The following TAOK3 variants were observed in gnomAD, a reference collection of about 807,000 sequenced individuals.
TAOK3 encodes serine/threonine-protein kinase TAO3.
In TAOK3, 40 loss-of-function variants were observed where a neutral mutation model predicts 120.4. The observed-to-expected ratio is 0.33, with a 90% CI of 0.26 to 0.43. TAOK3 has a LOEUF of 0.43. Among genes scored for constraint, TAOK3 ranks in the 20% least tolerant of loss-of-function variants. The pLI, the probability that TAOK3 is intolerant of heterozygous loss-of-function variation, is 1.00. For missense variants in TAOK3, 821 were observed against 1,112.1 expected (o/e 0.74, Z 3.72); for synonymous variants, 355 against 387.5 (o/e 0.92, Z 0.99).
intron 9 of TAOK3, among the ~76,000 whole-genome samples, chr12:118,228,153 CTTT>C (rs753232720): frequency 1.4e-5 from 2 of 138,140 alleles, no homozygotes. Flanking sequence ...TATATATACT[CTTT>C]TTTTTTTTTT....
chr12:118,314,109 A>C (rs941800683), intron 1 of TAOK3, among the ~76,000 whole-genome samples: 1 of 152,176 alleles, frequency 6.6e-6, no homozygotes, highest in East Asian at 1.9e-4. Flanking sequence ...TATCTTCTAG[A>C]ACAGTAACTG....
chr12:118,234,267 C>T (rs1203050286), intron 8 of TAOK3, among the ~76,000 whole-genome samples: 9 of 97,318 alleles, frequency 9.2e-5, no homozygotes, highest in Admixed American at 1.5e-4. Context: ...CTGGCTCTGT[C>T]GCCCAGGCTG....
At chr12:118,194,485 C>T (rs2037602359) in intron 13 of TAOK3, among the ~76,000 whole-genome samples, 1 of 152,044 alleles carries the variant, frequency 6.6e-6, no homozygotes, top group Non-Finnish European at 1.5e-5. Context: ...TGTTAATTTA[C>T]TTTTACTTTG....
At chr12:118,354,427 C>G (rs559792051) in intron 1 of TAOK3, among the ~76,000 whole-genome samples, 2 of 152,162 alleles carry the variant, frequency 1.3e-5, no homozygotes, top group Non-Finnish European at 2.9e-5. Flanking sequence ...AGTAGGTCAG[C>G]AGGAGATTTC....
At position 118,161,577 on chromosome 12, in the gene TAOK3, G is replaced by T. The variant is rs1349024029; in HGVS notation, c.2139+211C>A. Among the ~76,000 whole-genome samples, 1 of 152,226 alleles carries T rather than the reference G, an allele frequency of 6.6e-6. No individual in the cohort carries two copies. The highest frequency in any genetic ancestry group is 2.4e-5 in the African/African-American group (1 of 41,464). ...ATATGATGACAAATTGATAGATAAT[G>T]TAGTATAATAATAGTTTCCAAACCA... On this transcript the variant is annotated intron_variant, in intron 18 of 20. Transcript: ENST00000392533. This position sits in a 1 kb window ranked among gnomAD's most constrained non-coding sequence, Gnocchi z 4.5.
intron 19 of TAOK3, among the ~76,000 whole-genome samples, chr12:118,154,625 G>A (rs1436486808): frequency 1.3e-5 from 2 of 152,044 alleles, no homozygotes; most frequent in East Asian, 3.9e-4. Flanking sequence ...ATTTTTAATA[G>A]AGATGGCATT....
At chr12:118,360,751 T>C (rs1031772301) in intron 1 of TAOK3, among the ~76,000 whole-genome samples, 2 of 152,166 alleles carry the variant, frequency 1.3e-5, no homozygotes, top group Admixed American at 6.5e-5. Context: ...GAAACTTCCA[T>C]AAAGGCAGAG....
chr12:118,368,662 C>T (rs1388032279), intron 1 of TAOK3, among the ~76,000 whole-genome samples: 1 of 150,060 alleles, frequency 6.7e-6, no homozygotes, highest in Non-Finnish European at 1.5e-5. Context: ...AAACATTAGC[C>T]GGGTGTGGTG....
At position 118,371,332 on chromosome 12, in the gene TAOK3, C is replaced by T. The variant is rs55929628; in HGVS notation, c.-194+1316G>A. ...GACCTTTTCATTAAGATCAGGAAGCCCCTCGCTTTCAAGACATCCACATCA... is the reference window on the plus strand; with the variant it reads ...GACCTTTTCATTAAGATCAGGAAGCTCCTCGCTTTCAAGACATCCACATCA... On this transcript the variant is annotated intron_variant, in intron 1 of 20. Transcript: ENST00000392533. This position sits in a 1 kb window ranked among gnomAD's most constrained non-coding sequence, Gnocchi z 5.5. Among the ~76,000 whole-genome samples the T allele has an allele frequency of 0.11, 16,083 of 152,098 alleles. 1,120 individuals carry two copies. Among genetic ancestry groups the T allele is most frequent in the Middle Eastern group, 0.17 (51 of 294 alleles).
chr12:118,194,295 C>T lies in TAOK3; in HGVS notation c.1195-4354G>A, dbSNP rs924403984. 4.6e-5 allele frequency among the ~76,000 whole-genome samples: 7 copies of T among 151,980 alleles called. No individual in the cohort carries two copies. In the East Asian group the frequency reaches 1.2e-3, roughly 25 times the overall value. ...CATTTCAAAATTATTAAATTATTGTCGAAGCAGGGGTAGCTATCAAAAGCT... is the reference window on the plus strand; with the variant it reads ...CATTTCAAAATTATTAAATTATTGTTGAAGCAGGGGTAGCTATCAAAAGCT... On this transcript the variant is annotated intron_variant, in intron 13 of 20. Coordinates refer to ENST00000392533, the MANE Select transcript of TAOK3 (RefSeq NM_016281.4).
chr12:118,369,004 G>GAAAAAAAAAAA (rs975694288), intron 1 of TAOK3, among the ~76,000 whole-genome samples: 2 of 69,364 alleles, frequency 2.9e-5, no homozygotes, highest in South Asian at 4.3e-4. Context: ...ACTAAAAATA[G>GAAAAAAAAAAA]AAAAAAAAAA....
At chr12:118,216,241 C>A (rs1027544689) in intron 9 of TAOK3, among the ~76,000 whole-genome samples, 21 of 152,228 alleles carry the variant, frequency 1.4e-4, no homozygotes, top group Admixed American at 4.6e-4. Context: ...TATCCTCCTG[C>A]CTCAGCCTCC....
intron 1 of TAOK3, among the ~76,000 whole-genome samples, chr12:118,336,994 A>G (rs1467639005): frequency 6.6e-6 from 1 of 152,216 alleles, no homozygotes; most frequent in Non-Finnish European, 1.5e-5. Context: ...TGGGAGGCAG[A>G]GGTTGCAGTG....
At chr12:118,211,028 C>T (rs924960265) in intron 11 of TAOK3, among the ~76,000 whole-genome samples, 7 of 152,174 alleles carry the variant, frequency 4.6e-5, no homozygotes, top group Admixed American at 6.5e-5. Context: ...TGAGCCGCCA[C>T]GCCCGGCCTA....
At chr12:118,326,525 A>G (rs780786441) in intron 1 of TAOK3, among the ~76,000 whole-genome samples, 5 of 150,886 alleles carry the variant, frequency 3.3e-5, no homozygotes, top group Non-Finnish European at 7.4e-5. Flanking sequence ...TATAGAAAAG[A>G]AATGACTCTG....
At chr12:118,240,118 T>C (rs1433684931) in intron 5 of TAOK3, among the ~76,000 whole-genome samples, 1 of 151,866 alleles carries the variant, frequency 6.6e-6, no homozygotes. Flanking sequence ...TCGATAGTTA[T>C]TGGGTTTGCA....
At chr12:118,339,452 A>C (rs2044518370) in intron 1 of TAOK3, among the ~76,000 whole-genome samples, 1 of 151,710 alleles carries the variant, frequency 6.6e-6, no homozygotes, top group Non-Finnish European at 1.5e-5. Flanking sequence ...CGTTAATGGA[A>C]GTTAAGTCTT....
chr12:118,151,105 G>T lies in TAOK3; in HGVS notation c.2589C>A (p.Asn863Lys). Residue 863 changes from asparagine (N) to lysine (K), a missense_variant, in exon 21 of 21, where the codon AAC (asparagine) becomes AAA (lysine). Asn to Lys is a moderately conservative substitution (Grantham distance 94). Around this residue, in one of 2 missense-constraint regions of TAOK3, gnomAD observed 354 missense variants for 572.1 expected, o/e 0.62. Coordinates refer to ENST00000392533, the MANE Select transcript of TAOK3 (RefSeq NM_016281.4). The stretch of plus-strand genomic sequence containing the variant: ...TCTCTCGCTCTTGCCTTTCCAATAG[G>T]TTCTTTATTCTCTCGCTGCGTTCCT... ...LQKERSERIK[N>K]LLERQEREIE... is the part of the protein sequence containing the mutation. 1.9e-6 allele frequency: 3 copies of T among 1,613,482 alleles called. No homozygotes were observed. Among genetic ancestry groups the T allele is most frequent in the Non-Finnish European group, 2.5e-6 (3 of 1,179,984 alleles).
At chr12:118,208,552 C>T (rs562811268) in intron 11 of TAOK3, among the ~76,000 whole-genome samples, 2 of 152,118 alleles carry the variant, frequency 1.3e-5, no homozygotes, top group African/African-American at 4.8e-5. Context: ...GAAAAGTTTT[C>T]ACTGATCTGA....
Sources: allele counts gnomAD v4.1 joint callset (sites outside exome capture counted in the v4.1 genomes callset), GRCh38; gene constraint gnomAD v4.1.1; regional missense constraint gnomAD v4.1.1; non-coding constraint Gnocchi (gnomAD v3.1); transcripts MANE v1.5; gene names NCBI Gene and HGNC (gene_info 2026-07-23, HGNC 2026-07-21).